Variants in AKAP8L observed in about 807,000 individuals in gnomAD.
The protein encoded by AKAP8L is A-kinase anchor protein 8-like.
Under a neutral mutation model 77.5 loss-of-function variants are expected in AKAP8L, and 34 were observed. The observed-to-expected ratio is 0.44, with a 90% CI of 0.33 to 0.58. The LOEUF is 0.58. Among genes scored for constraint, AKAP8L ranks in the 20% least tolerant of loss-of-function variants. AKAP8L has a pLI of 0.02. For missense variants in AKAP8L, 806 were observed against 887.6 expected (o/e 0.91, Z 1.17); for synonymous variants, 342 against 340.7 (o/e 1.00, Z -0.04).
At chr19:15,412,005 C>T (rs746550489) in intron 1 of AKAP8L, among the ~76,000 whole-genome samples, 2 of 152,130 alleles carry the variant, frequency 1.3e-5, no homozygotes, top group African/African-American at 4.8e-5. Context: ...GTTAGGAGTT[C>T]GAGATCAGCC....
intron 12 of AKAP8L, among the ~76,000 whole-genome samples, chr19:15,383,045 C>G (rs1967452118): frequency 6.6e-6 from 1 of 152,086 alleles, no homozygotes; most frequent in Non-Finnish European, 1.5e-5. Flanking sequence ...CCAAAAGGCT[C>G]TAGAAAACAA....
intron 1 of AKAP8L, among the ~76,000 whole-genome samples, chr19:15,416,866 T>C (rs1968217097): frequency 6.6e-6 from 1 of 152,222 alleles, no homozygotes; most frequent in Non-Finnish European, 1.5e-5. Flanking sequence ...TCACCTTTTA[T>C]GTTTAATAAT....
At chr19:15,385,731 C>T (rs1967520948) in intron 12 of AKAP8L, among the ~76,000 whole-genome samples, 1 of 151,986 alleles carries the variant, frequency 6.6e-6, no homozygotes, top group African/African-American at 2.4e-5. Context: ...TCCCAAGTAG[C>T]TGGGACCACA....
intron 1 of AKAP8L, among the ~76,000 whole-genome samples, chr19:15,415,893 A>G (rs1568275516): frequency 5.7e-5 from 3 of 52,836 alleles, no homozygotes; most frequent in African/African-American, 3.0e-4. Flanking sequence ...CTCAAAAAAA[A>G]AAACAAAAAA....
chr19:15,415,543 T>G (rs1968187795), intron 1 of AKAP8L, among the ~76,000 whole-genome samples: 1 of 151,864 alleles, frequency 6.6e-6, no homozygotes, highest in South Asian at 2.1e-4. Flanking sequence ...CAGGCTGGAG[T>G]GCAATGGCAT....
Position 15,403,235 on chromosome 19 carries a change from G to A in AKAP8L, c.362+240C>T, listed in dbSNP as rs1393476147. ...AGTGAAGTCTGCCCAGTCTGGGCTT[G>A]TTCCTCTCACCGCAAGCTGGGAAAG... On this transcript the variant is annotated intron_variant, in intron 4 of 13. Coordinates refer to ENST00000397410, the MANE Select transcript of AKAP8L (RefSeq NM_014371.4). This position sits in a 1 kb window ranked among gnomAD's most constrained non-coding sequence, Gnocchi z 4.3. The A allele has an allele frequency of 5.5e-6, 3 of 549,298 alleles. No individual in the cohort carries two copies. Among genetic ancestry groups the A allele is most frequent in the Non-Finnish European group, 9.9e-6 (3 of 303,752 alleles). 34.0% of individuals were successfully genotyped at this position (549,298 alleles called of 1,614,324 possible). A position where few individuals can be genotyped will look rare whatever the true frequency, so the allele number is the denominator to read the frequency against.
Position 15,380,092 on chromosome 19 carries a change from C to A in AKAP8L, c.*30G>T. 2.1e-6 allele frequency: 3 copies of A among 1,455,216 alleles called. No individual in the cohort carries two copies. The highest frequency in any genetic ancestry group is 3.0e-5 in the African/African-American group (2 of 66,742). 90.1% of individuals were successfully genotyped at this position (1,455,216 alleles called of 1,614,324 possible). A position where few individuals can be genotyped will look rare whatever the true frequency, so the allele number is the denominator to read the frequency against. On this transcript the variant is annotated 3_prime_UTR_variant, in exon 14 of 14. Coordinates refer to ENST00000397410, the MANE Select transcript of AKAP8L (RefSeq NM_014371.4). ...ATTAGGTTTGGTTTCCAGCTTCGGC[C>A]ACGCGGGCTCCGCCCGCCCCGAGCT...
rs562017892 is a variant in AKAP8L at position 15,380,120 on chromosome 19, G to A, written c.*2C>T. 3.2e-5 allele frequency: 47 copies of A among 1,490,660 alleles called. No homozygotes were observed. In the Admixed American group the frequency reaches 6.1e-4, roughly 19 times the overall value. The allele number at this position is 1,490,660 out of a possible 1,614,324, so 92.3% of individuals were successfully genotyped here. ...GCGGGCTCCGCCCGCCCCGAGCTCG[G>A]GTCACGGGGCGCCCCCGCCGCCCTC... On this transcript the variant is annotated 3_prime_UTR_variant, in exon 14 of 14. Coordinates refer to ENST00000397410, the MANE Select transcript of AKAP8L (RefSeq NM_014371.4).
chr19:15,403,908 C>A lies in AKAP8L; in HGVS notation c.121+102G>T. 7.1e-7 allele frequency: 1 copy of A among 1,400,386 alleles called. No individual in the cohort carries two copies. The highest frequency in any genetic ancestry group is 1.0e-6 in the Non-Finnish European group (1 of 1,001,122). 86.7% of individuals were successfully genotyped at this position (1,400,386 alleles called of 1,614,324 possible). On this transcript the variant is annotated intron_variant, in intron 3 of 13. Coordinates refer to ENST00000397410, the MANE Select transcript of AKAP8L (RefSeq NM_014371.4). The surrounding 1 kb of genome is among the most constrained non-coding windows in gnomAD (Gnocchi z 4.3). The stretch of plus-strand genomic sequence containing the variant: ...AGGAGTAGGTAACCCCAGAAACATG[C>A]CCCCTCCCCACTCCCAACCTTGGCC...
chr19:15,401,577 G>A lies in AKAP8L; in HGVS notation c.389C>T (p.Ser130Leu), dbSNP rs767032741. ...ERYDSYESCD[S>L]RAVLSERDLY... ...GTCGCGCTCACTCAGGACGGCCCTC[G>A]AGTCGCAGGACTCATAAGAGTCATA... Residue 130 changes from serine to leucine, a missense_variant, in exon 5 of 14, where the codon TCG becomes TTG. Physicochemically the swap from Ser to Leu is moderately radical, Grantham distance 145 (BLOSUM62 -2). Coordinates refer to ENST00000397410, the MANE Select transcript of AKAP8L (RefSeq NM_014371.4). This position sits in a 1 kb window ranked among gnomAD's most constrained non-coding sequence, Gnocchi z 6.2. 7.5e-6 allele frequency: 12 copies of A among 1,606,264 alleles called. No individual in the cohort carries two copies. Among genetic ancestry groups the A allele is most frequent in the Admixed American group, 1.7e-5 (1 of 59,378 alleles).
At chr19:15,402,613 C>G (rs568251555) in intron 4 of AKAP8L, among the ~76,000 whole-genome samples, 1 of 152,352 alleles carries the variant, frequency 6.6e-6, no homozygotes, top group South Asian at 2.1e-4. Context: ...CCCCTTGTGC[C>G]TGTTCCACAC....
chr19:15,403,365 G>T lies in AKAP8L; in HGVS notation c.362+110C>A. ...CTGCTGGGAGCCACAGCAGCACCAA[G>T]CAGCGGGGAGGAAGCAGACACAGAG... is the stretch of plus-strand genomic sequence containing the variant. On this transcript the variant is annotated intron_variant, in intron 4 of 13. Coordinates refer to ENST00000397410, the MANE Select transcript of AKAP8L (RefSeq NM_014371.4). This position sits in a 1 kb window ranked among gnomAD's most constrained non-coding sequence, Gnocchi z 4.3. The T allele has an allele frequency of 9.5e-7, 1 of 1,050,906 alleles. No homozygotes were observed. Among genetic ancestry groups the T allele is most frequent in the Non-Finnish European group, 1.4e-6 (1 of 692,654 alleles). The allele number at this position is 1,050,906 out of a possible 1,614,324, so 65.1% of individuals were successfully genotyped here.
At chr19:15,386,237 A>G (rs2145108031) in intron 12 of AKAP8L, among the ~76,000 whole-genome samples, 1 of 152,206 alleles carries the variant, frequency 6.6e-6, no homozygotes, top group East Asian at 1.9e-4. Context: ...TATCTTTAAT[A>G]ATAGTAAACT....
chr19:15,380,633 G>A, intron 12 of AKAP8L, 21 bp from the exon 13 acceptor site: 1 of 1,610,214 alleles, frequency 6.2e-7, no homozygotes, highest in Non-Finnish European at 8.5e-7. Flanking sequence ...GGCAGAAGGA[G>A]CTGGAGAGGC....
Position 15,403,174 on chromosome 19 carries a change from G to C in AKAP8L, c.362+301C>G. On this transcript the variant is annotated intron_variant, in intron 4 of 13. Coordinates refer to ENST00000397410, the MANE Select transcript of AKAP8L (RefSeq NM_014371.4). This position sits in a 1 kb window ranked among gnomAD's most constrained non-coding sequence, Gnocchi z 4.3. ...AGAATTCCAAATGGCTGTCCTTGGAGGGAGGGGTGGCTGAACACTCTGTTT... is the reference window on the plus strand; with the variant it reads ...AGAATTCCAAATGGCTGTCCTTGGACGGAGGGGTGGCTGAACACTCTGTTT... 2.3e-6 allele frequency: 1 copy of C among 435,514 alleles called. No individual in the cohort carries two copies. 27.0% of individuals were successfully genotyped at this position (435,514 alleles called of 1,614,324 possible). A position where few individuals can be genotyped will look rare whatever the true frequency, so the allele number is the denominator to read the frequency against.
intron 8 of AKAP8L, 88 bp downstream of exon 8, chr19:15,400,207 C>T: frequency 7.1e-7 from 1 of 1,408,606 alleles, no homozygotes; most frequent in African/African-American, 1.4e-5. Context: ...GGCCGCATGT[C>T]TGCCGCAACC....
chr19:15,397,593 CTCT>C lies in AKAP8L; in HGVS notation c.1329_1331del (p.Glu445del). 1 of 1,613,904 alleles carries C rather than the reference CTCT, an allele frequency of 6.2e-7. No homozygotes were observed. The highest frequency in any genetic ancestry group is 8.5e-7 in the Non-Finnish European group (1 of 1,179,864). ...GGTCCTCCACGGTTTTTCGGAGCTC[CTCT>C]GTCTTCTTGGTCTTGTTAGTGACGT... is the stretch of plus-strand genomic sequence containing the variant. On this transcript the variant is annotated inframe_deletion, in exon 11 of 14. Coordinates refer to ENST00000397410, the MANE Select transcript of AKAP8L (RefSeq NM_014371.4). The surrounding 1 kb of genome is among the most constrained non-coding windows in gnomAD (Gnocchi z 4.7).
At position 15,397,874 on chromosome 19, in the gene AKAP8L, G is replaced by A. The variant is rs537769928; in HGVS notation, c.1158-19C>T. The A allele has an allele frequency of 9.3e-6, 15 of 1,611,460 alleles. No homozygotes were observed. In the East Asian group the frequency reaches 1.3e-4, roughly 14 times the overall value. On this transcript the variant is annotated intron_variant, in intron 9 of 13. Coordinates refer to ENST00000397410, the MANE Select transcript of AKAP8L (RefSeq NM_014371.4). This position sits in a 1 kb window ranked among gnomAD's most constrained non-coding sequence, Gnocchi z 4.7. ...CTGGATCCTGCCACAGGAAGGAAAC[G>A]AGGGGCTGAGGCTGCAAGTGTCCCA...
intron 2 of AKAP8L, among the ~76,000 whole-genome samples, chr19:15,406,244 A>G (rs1366322041): frequency 6.6e-6 from 1 of 151,956 alleles, no homozygotes; most frequent in African/African-American, 2.4e-5. Flanking sequence ...TTCAGGAGGA[A>G]GCCTTCATCT....
Sources: gnomAD v4.1 joint callset for allele counts (sites outside exome capture counted in the v4.1 genomes callset) on GRCh38, gnomAD v4.1.1 for gene constraint, Gnocchi (gnomAD v3.1) non-coding constraint, MANE v1.5 for transcripts, NCBI Gene and HGNC (gene_info 2026-07-23, HGNC 2026-07-21) for gene names.